The following NETO1 variants were observed in gnomAD, a reference collection of about 807,000 sequenced individuals.
The protein encoded by NETO1 is neuropilin and tolloid-like protein 1.
NETO1 carries 26 observed loss-of-function variants against 61.3 expected under a neutral mutation model. That is an observed-to-expected ratio of 0.42 (90% confidence interval 0.31 to 0.59). NETO1 has a LOEUF of 0.59. NETO1 is among the 20% of genes least tolerant of loss of function. The pLI, the probability that NETO1 is intolerant of heterozygous loss-of-function variation, is 0.12. For missense variants in NETO1, 531 were observed against 662.8 expected (o/e 0.80, Z 2.18); for synonymous variants, 225 against 225.8 (o/e 1.00, Z 0.03).
intron 9 of NETO1, among the ~76,000 whole-genome samples, chr18:72,749,791 AAT>A (rs1166364796): frequency 1.3e-5 from 2 of 150,882 alleles, no homozygotes; most frequent in African/African-American, 4.9e-5. Context: ...TTATAAAATA[AAT>A]ATGTGTATAT....
chr18:72,798,869 A>G (rs992449962), intron 4 of NETO1, among the ~76,000 whole-genome samples: 3 of 152,222 alleles, frequency 2.0e-5, no homozygotes. Context: ...ACATTCTCCA[A>G]GACCACTCTG....
At chr18:72,769,029 G>A (rs1276496602) in intron 7 of NETO1, among the ~76,000 whole-genome samples, 1 of 152,182 alleles carries the variant, frequency 6.6e-6, no homozygotes, top group Non-Finnish European at 1.5e-5. Flanking sequence ...GCTGTACAGC[G>A]CGGCAAGCAG....
intron 7 of NETO1, among the ~76,000 whole-genome samples, chr18:72,775,519 C>T (rs1012676473): frequency 1.3e-5 from 2 of 152,084 alleles, no homozygotes; most frequent in South Asian, 2.1e-4. Flanking sequence ...GCCATGTGAA[C>T]GTGGCATGCT....
rs542090178 is a variant in NETO1 at position 72,743,892 on chromosome 18, A to G, written c.*4287T>C. On this transcript the variant is annotated 3_prime_UTR_variant, in exon 11 of 11. Coordinates refer to ENST00000327305, the MANE Select transcript of NETO1 (RefSeq NM_138966.5). ...TTTTTCAAAGAGCAAACCACTATAA[A>G]ATAGCATGCCTCAGAGGTTGGAAAG... is the stretch of plus-strand genomic sequence containing the variant. The G allele has an allele frequency of 6.6e-6, 1 of 152,340 alleles. No homozygotes were observed. Among genetic ancestry groups the G allele is most frequent in the African/African-American group, 2.4e-5 (1 of 41,580 alleles). The allele number at this position is 152,340 out of a possible 1,614,324, so 9.4% of individuals were successfully genotyped here.
At chr18:72,838,469 G>A (rs1441957980) in intron 4 of NETO1, among the ~76,000 whole-genome samples, 2 of 152,188 alleles carry the variant, frequency 1.3e-5, no homozygotes, top group African/African-American at 2.4e-5. Flanking sequence ...CACTTGGCTT[G>A]TAGGTAACTT....
At chr18:72,794,691 C>G (rs1421083782) in intron 4 of NETO1, among the ~76,000 whole-genome samples, 2 of 152,062 alleles carry the variant, frequency 1.3e-5, no homozygotes, top group Non-Finnish European at 2.9e-5. Flanking sequence ...AAAAATCTTA[C>G]TCATTACCTA....
At chr18:72,809,967 C>T (rs1406565327) in intron 4 of NETO1, among the ~76,000 whole-genome samples, 2 of 152,106 alleles carry the variant, frequency 1.3e-5, no homozygotes, top group African/African-American at 4.8e-5. Flanking sequence ...AAAATAATAC[C>T]TTCAGTGTAA....
chr18:72,808,024 T>A (rs1599040754), intron 4 of NETO1, among the ~76,000 whole-genome samples: 1 of 152,346 alleles, frequency 6.6e-6, no homozygotes, highest in East Asian at 1.9e-4. Context: ...AGGGCATTTC[T>A]TGTTGGCAGA....
At chr18:72,743,465 A>G (rs1330863746), downstream of NETO1, among the ~76,000 whole-genome samples, 2 of 152,172 alleles carry the variant, frequency 1.3e-5, no homozygotes, top group Admixed American at 6.5e-5. Context: ...ATTTGAATTT[A>G]TTTTTATCTT....
At chr18:72,791,064 T>C (rs527386718) in intron 6 of NETO1, among the ~76,000 whole-genome samples, 1 of 152,188 alleles carries the variant, frequency 6.6e-6, no homozygotes, top group South Asian at 2.1e-4. Flanking sequence ...AGTTTATTCA[T>C]CTTTTAAATG....
intron 4 of NETO1, among the ~76,000 whole-genome samples, chr18:72,832,366 G>A (rs2073608949): frequency 6.6e-6 from 1 of 152,134 alleles, no homozygotes; most frequent in African/African-American, 2.4e-5. Context: ...TGAAATTAGA[G>A]AAAGGTGCAT....
At chr18:72,822,896 T>C (rs1156397779) in intron 4 of NETO1, among the ~76,000 whole-genome samples, 1 of 152,154 alleles carries the variant, frequency 6.6e-6, no homozygotes, top group Non-Finnish European at 1.5e-5. Flanking sequence ...TATGTTTATA[T>C]TGTACTCATA....
At chr18:72,854,892 A>C (rs2145611213) in intron 4 of NETO1, among the ~76,000 whole-genome samples, 1 of 152,282 alleles carries the variant, frequency 6.6e-6, no homozygotes, top group Middle Eastern at 3.4e-3. Context: ...TGGCCTCTAA[A>C]ATCCTCCTTA....
intron 4 of NETO1, among the ~76,000 whole-genome samples, chr18:72,796,718 CCTCCCAAAGTG>C (rs2072325627): frequency 6.6e-6 from 1 of 152,052 alleles, no homozygotes; most frequent in East Asian, 1.9e-4. Flanking sequence ...TCCTCCTTGG[CCTCCCAAAGTG>C]CTGGGATTAC....
intron 4 of NETO1, among the ~76,000 whole-genome samples, chr18:72,797,681 A>C (rs993290445): frequency 4.6e-5 from 7 of 152,192 alleles, no homozygotes; most frequent in African/African-American, 1.4e-4. Context: ...CTGGTTTTCC[A>C]CTGCCCTTAG....
chr18:72,850,206 G>T (rs2074208228), intron 4 of NETO1, among the ~76,000 whole-genome samples: 1 of 152,194 alleles, frequency 6.6e-6, no homozygotes. Flanking sequence ...TGAACTCACT[G>T]TATGAAAGCT....
At position 72,748,011 on chromosome 18, in the gene NETO1, G is replaced by T; in HGVS notation, c.*168C>A. Reference sequence around the variant, plus strand: ...AATTACGAAATGAACATATCAGTGTGCAGCGGGGATGTCTTGCCGAAGGAA... The same window carrying T: ...AATTACGAAATGAACATATCAGTGTTCAGCGGGGATGTCTTGCCGAAGGAA... On this transcript the variant is annotated 3_prime_UTR_variant, in exon 11 of 11. Coordinates refer to ENST00000327305, the MANE Select transcript of NETO1 (RefSeq NM_138966.5). 1 of 393,194 alleles carries T rather than the reference G, an allele frequency of 2.5e-6. No individual in the cohort carries two copies. The highest frequency in any genetic ancestry group is 3.5e-6 in the Non-Finnish European group (1 of 288,684). The allele number at this position is 393,194 out of a possible 1,614,324, so 24.4% of individuals were successfully genotyped here. A position where few individuals can be genotyped will look rare whatever the true frequency, so the allele number is the denominator to read the frequency against.
intron 7 of NETO1, among the ~76,000 whole-genome samples, chr18:72,762,982 T>C (rs1285829398): frequency 6.6e-6 from 1 of 152,216 alleles, no homozygotes; most frequent in Non-Finnish European, 1.5e-5. Context: ...ACATTGTTTT[T>C]TAATGTGAAA....
chr18:72,822,659 G>A (rs1045172535), intron 4 of NETO1, among the ~76,000 whole-genome samples: 6 of 152,178 alleles, frequency 3.9e-5, no homozygotes, highest in Admixed American at 3.3e-4. Flanking sequence ...TCTTGTAATT[G>A]TAAAACATAC....
Sources: gnomAD v4.1 joint callset for allele counts (sites outside exome capture counted in the v4.1 genomes callset) on GRCh38, gnomAD v4.1.1 for gene constraint, MANE v1.5 for transcripts, NCBI Gene and HGNC (gene_info 2026-07-23, HGNC 2026-07-21) for gene names.